DUSP11: variants seen among roughly 807,000 people sequenced by gnomAD.
DUSP11 encodes the protein dual specificity phosphatase 11.
DUSP11 carries 27 observed loss-of-function variants against 41.4 expected under a neutral mutation model. The observed-to-expected ratio is 0.65, with a 90% CI of 0.48 to 0.90. The LOEUF is 0.90. Among genes scored for constraint, DUSP11 ranks in the 40% least tolerant of loss-of-function variants. The probability of loss-of-function intolerance (pLI) is 0.00; values close to 1 mark genes in which losing one functional copy is unlikely to be tolerated. For synonymous variants in DUSP11, 188 were observed against 159.3 expected, an observed-to-expected ratio of 1.18 and a Z score of -1.35; for missense variants, 465 against 461.1, an observed-to-expected ratio of 1.01 and a Z score of -0.08.
At chr2:73,762,995 C>A (rs1261555779) in intron 8 of DUSP11, 136 bp from the exon 9 acceptor site, 2 of 311,534 alleles carry the variant, frequency 6.4e-6, no homozygotes, top group Non-Finnish European at 1.1e-5. Flanking sequence ...TGTTTCCTAC[C>A]TGTGTGACCT....
At chr2:73,776,231 G>A (rs527558452) in intron 2 of DUSP11, among the ~76,000 whole-genome samples, 6 of 151,586 alleles carry the variant, frequency 4.0e-5, no homozygotes, top group African/African-American at 7.3e-5. Flanking sequence ...TGGCTAACAC[G>A]GTGAAACCCC....
At position 73,779,054 on chromosome 2, in the gene DUSP11, GGGA is replaced by G. The variant is rs201818726; in HGVS notation, c.243-681_243-679del. On this transcript the variant is annotated intron_variant, in intron 1 of 8. Transcript: ENST00000272444. ...TAATCCCAGCAACTTGGGCGGCTGA[GGGA>G]GGAGAATCGCTTGAATCCGGGAGGC... Among the ~76,000 whole-genome samples, 1,303 of 152,340 alleles carry G rather than the reference GGGA, an allele frequency of 8.6e-3. 24 individuals are homozygous for G. The highest frequency in any genetic ancestry group is 0.03 in the African/African-American group (1,234 of 41,570).
At chr2:73,773,956 T>G (rs1378457239) in intron 3 of DUSP11, 33 bp from the exon 4 acceptor site, 2 of 1,518,104 alleles carry the variant, frequency 1.3e-6, no homozygotes, top group Non-Finnish European at 1.8e-6. Flanking sequence ...ATGTGTATTA[T>G]TTCACTTGTA....
intron 8 of DUSP11, among the ~76,000 whole-genome samples, chr2:73,765,857 T>C (rs534045944): frequency 3.9e-5 from 6 of 152,346 alleles, no homozygotes; most frequent in Admixed American, 1.3e-4. Flanking sequence ...GATAGCCACA[T>C]CAAACTCTTG....
chr2:73,762,644 TC>T, exon 9 of DUSP11: 1 of 1,594,872 alleles, frequency 6.3e-7, no homozygotes, highest in Non-Finnish European at 8.6e-7. Flanking sequence ...CAGGTAGAAT[TC>T]CAGGACAGGT....
intron 3 of DUSP11, among the ~76,000 whole-genome samples, chr2:73,774,376 A>C (rs894058830): frequency 1.4e-4 from 22 of 152,296 alleles, no homozygotes; most frequent in Admixed American, 3.9e-4. Context: ...AGAAAAGTAG[A>C]TACAGATAAA....
At chr2:73,775,691 T>C (rs1228002342) in intron 2 of DUSP11, among the ~76,000 whole-genome samples, 2 of 149,548 alleles carry the variant, frequency 1.3e-5, no homozygotes, top group East Asian at 4.1e-4. Context: ...CCGTCTCTAC[T>C]AAAAATACAA....
chr2:73,774,918 G>T, exon 3 of DUSP11: 1 of 1,574,234 alleles, frequency 6.4e-7, no homozygotes, highest in South Asian at 1.2e-5. Context: ...CTTACCTCTG[G>T]TTTATAATAG....
Position 73,775,864 on chromosome 2 carries a change from T to TAA in DUSP11, c.319-822_319-821dup, listed in dbSNP as rs1166863408. The stretch of plus-strand genomic sequence containing the variant: ...GTGACTCCATCTCAAAAAAAAAATT[T>TAA]AAAAAAAAAAAAAAAAAAAAAAAAG... On this transcript the variant is annotated intron_variant, in intron 2 of 8. Transcript: ENST00000272444. Among the ~76,000 whole-genome samples, 81 of 52,290 alleles carry TAA rather than the reference T, an allele frequency of 1.5e-3. 1 individual carries two copies. The highest frequency in any genetic ancestry group is 3.3e-3 in the African/African-American group (56 of 17,196). The allele number at this position is 52,290 out of a possible 152,430, so 34.3% of individuals were successfully genotyped here. A position where few individuals can be genotyped will look rare whatever the true frequency, so the allele number is the denominator to read the frequency against.
In DUSP11 at chr2:73,766,448, G is replaced by A. The variant is rs542695914; in HGVS notation, c.905C>T (p.Thr302Ile). 10 of 1,613,020 alleles carry A rather than the reference G, an allele frequency of 6.2e-6. No individual in the cohort carries two copies. In the Admixed American group the frequency reaches 6.7e-5, roughly 11 times the overall value. Reference sequence around the variant, plus strand: ...TGATTGTTGCAAACTTTGGGTCTGGGTGTGGAAATGTCGAGGAGCTGAGTG... The same window carrying A: ...TGATTGTTGCAAACTTTGGGTCTGGATGTGGAAATGTCGAGGAGCTGAGTG... The change falls in exon 8 of 9, where the codon ACC (threonine) becomes ATC (isoleucine). Residue 302 changes from threonine (T) to isoleucine (I), a missense_variant. Transcript: ENST00000272444.
chr2:73,765,569 C>CATCT (rs200497897), intron 8 of DUSP11, among the ~76,000 whole-genome samples: 5,615 of 151,636 alleles, frequency 0.037, 149 homozygotes, highest in Non-Finnish European at 0.058. Context: ...TCCACCCATC[C>CATCT]ATCTATCCAT....
chr2:73,772,993 T>C (rs906764150), intron 4 of DUSP11, among the ~76,000 whole-genome samples: 6 of 152,230 alleles, frequency 3.9e-5, no homozygotes, highest in African/African-American at 9.6e-5. Flanking sequence ...GAAGCCTCTG[T>C]CCTGTGGGTG....
At chr2:73,778,846 C>T (rs917538568) in intron 1 of DUSP11, among the ~76,000 whole-genome samples, 18 of 152,072 alleles carry the variant, frequency 1.2e-4, no homozygotes, top group Admixed American at 2.0e-4. Flanking sequence ...GTGAACTTCA[C>T]TTAATAATGC....
chr2:73,767,338 A>G (rs1672484331), intron 5 of DUSP11, 131 bp from the exon 6 acceptor site: 1 of 707,804 alleles, frequency 1.4e-6, no homozygotes, highest in African/African-American at 1.8e-5. Flanking sequence ...CATCAAATCC[A>G]GCAGTTATTA....
chr2:73,776,820 T>C (rs1672698486), intron 2 of DUSP11, among the ~76,000 whole-genome samples: 1 of 152,226 alleles, frequency 6.6e-6, no homozygotes, highest in African/African-American at 2.4e-5. Flanking sequence ...AAGCACTCAG[T>C]AAGAGATATT....
At chr2:73,774,122 C>T (rs1200290721) in intron 3 of DUSP11, among the ~76,000 whole-genome samples, 199 bp from the exon 4 acceptor site, 1 of 152,160 alleles carries the variant, frequency 6.6e-6, no homozygotes, top group Non-Finnish European at 1.5e-5. Context: ...TTCAATAAAA[C>T]TACATAATAG....
chr2:73,773,667 C>T (rs1018048822), intron 4 of DUSP11, 133 bp downstream of exon 4: 1 of 885,242 alleles, frequency 1.1e-6, no homozygotes, highest in Non-Finnish European at 1.7e-6. Context: ...ACCCTATTAG[C>T]ACCATCTGAC....
intron 2 of DUSP11, among the ~76,000 whole-genome samples, chr2:73,777,346 C>G (rs1021646734): frequency 5.3e-5 from 8 of 152,168 alleles, no homozygotes; most frequent in Admixed American, 2.0e-4. Flanking sequence ...GAAATCTGAT[C>G]TATAAGTCAC....
chr2:73,772,328 T>C (rs1243042956), intron 4 of DUSP11, among the ~76,000 whole-genome samples: 1 of 152,170 alleles, frequency 6.6e-6, no homozygotes, highest in Non-Finnish European at 1.5e-5. Flanking sequence ...CCTCTTTTTA[T>C]CAGTGAGCCT....
Sources: allele counts gnomAD v4.1 joint callset (sites outside exome capture counted in the v4.1 genomes callset), GRCh38; gene constraint gnomAD v4.1.1; transcripts MANE v1.5; gene names NCBI Gene and HGNC (gene_info 2026-07-23, HGNC 2026-07-21).